The following DAAM1 variants were observed in gnomAD, a reference collection of about 807,000 sequenced individuals.
The protein encoded by DAAM1 is dishevelled associated activator of morphogenesis 1.
A neutral mutation model predicts 130.0 loss-of-function variants in DAAM1; 52 were observed. That is an observed-to-expected ratio of 0.40 (90% CI 0.32 to 0.50). The LOEUF is 0.50. Among genes scored for constraint, DAAM1 ranks in the 20% least tolerant of loss-of-function variants. DAAM1 has a pLI of 0.61. For synonymous variants in DAAM1, 452 were observed against 444.5 expected (o/e 1.02, Z -0.21); for missense variants, 1,134 against 1,303.8 (o/e 0.87, Z 2.01).
At chr14:59,347,946 C>T (rs568499725) in intron 17 of DAAM1, among the ~76,000 whole-genome samples, 2 of 152,268 alleles carry the variant, frequency 1.3e-5, no homozygotes, top group South Asian at 2.1e-4. Flanking sequence ...ACAGGAATAT[C>T]GAGAATCTCA....
intron 21 of DAAM1, 38 bp downstream of exon 21, chr14:59,359,542 T>C (rs1243707523): frequency 1.3e-6 from 2 of 1,523,718 alleles, no homozygotes; most frequent in Admixed American, 1.7e-5. Context: ...CTTAAATCAC[T>C]TGGATTGTGT....
At chr14:59,361,330 C>T (rs1427268113) in intron 22 of DAAM1, among the ~76,000 whole-genome samples, 1 of 152,144 alleles carries the variant, frequency 6.6e-6, no homozygotes, top group Non-Finnish European at 1.5e-5. Flanking sequence ...GTCACGATGA[C>T]TCAGAATCCT....
intron 16 of DAAM1, among the ~76,000 whole-genome samples, chr14:59,341,515 T>C (rs956751369): frequency 6.6e-6 from 1 of 152,254 alleles, no homozygotes; most frequent in African/African-American, 2.4e-5. Context: ...TATATTGTTT[T>C]AATTGTTCTA....
Position 59,331,469 on chromosome 14 carries a change from A to G in DAAM1, c.1821A>G (p.Thr607=). ...ALKKKSIPQP[T]NALKSFNWSK... is the part of the protein sequence containing the mutation. ...AGAAGAAAAGCATTCCTCAGCCCAC[A>G]AATGCCCTGAAATCCTTCAACTGGT... The change falls in exon 14 of 25, where the codon ACA becomes ACG. Residue 607 remains threonine, a synonymous_variant. Coordinates refer to ENST00000360909, the MANE Select transcript of DAAM1 (RefSeq NM_001270520.2). The G allele has an allele frequency of 6.2e-7, 1 of 1,611,138 alleles. No individual in the cohort carries two copies. The highest frequency in any genetic ancestry group is 1.7e-5 in the Admixed American group (1 of 59,502).
intron 16 of DAAM1, 142 bp downstream of exon 16, chr14:59,340,322 G>C: frequency 1.4e-6 from 1 of 700,166 alleles, no homozygotes; most frequent in Non-Finnish European, 2.3e-6. Context: ...AATGAGAACA[G>C]CTCTTGGTGC....
chr14:59,314,271 A>G (rs566711890), intron 3 of DAAM1, among the ~76,000 whole-genome samples: 1 of 152,330 alleles, frequency 6.6e-6, no homozygotes, highest in East Asian at 1.9e-4. Flanking sequence ...ATGGCATAAC[A>G]TCTTCTCCAC....
intron 1 of DAAM1, among the ~76,000 whole-genome samples, chr14:59,198,333 GT>G (rs1887977830): frequency 6.6e-6 from 1 of 151,754 alleles, no homozygotes; most frequent in African/African-American, 2.4e-5. Flanking sequence ...AGCCTCCCAA[GT>G]AGCTGGGATT....
intron 1 of DAAM1, among the ~76,000 whole-genome samples, chr14:59,195,008 C>T (rs190138362): frequency 3.5e-4 from 54 of 152,314 alleles, no homozygotes; most frequent in Non-Finnish European, 7.2e-4. Flanking sequence ...TATGCCTTAA[C>T]GGCATATTGC....
chr14:59,222,275 G>A (rs759760234), intron 1 of DAAM1, among the ~76,000 whole-genome samples: 6 of 152,312 alleles, frequency 3.9e-5, no homozygotes, highest in Non-Finnish European at 5.9e-5. Context: ...TGGTGAATAG[G>A]GCATTCTGGA....
chr14:59,340,203 A>AT (rs1185010775), intron 16 of DAAM1, 23 bp downstream of exon 16: 4 of 1,603,044 alleles, frequency 2.5e-6, no homozygotes, highest in Non-Finnish European at 3.4e-6. Flanking sequence ...TTGAATAAAC[A>AT]TTTCTAGTAG....
rs17095845 is a variant in DAAM1, at chr14:59,202,017, A to G, written c.-38+13249A>G. Among the ~76,000 whole-genome samples, 1,028 of 152,350 alleles carry G rather than the reference A, an allele frequency of 6.7e-3. 16 individuals are homozygous for G. The highest frequency in any genetic ancestry group is 0.023 in the African/African-American group (965 of 41,586). ...TGTAGATGAATCAATTTACATTTTA[A>G]TCCACTGTGTAAAAGAAGGAAACAA... On this transcript the variant is annotated intron_variant, in intron 1 of 24. Coordinates refer to ENST00000360909, the MANE Select transcript of DAAM1 (RefSeq NM_001270520.2).
At chr14:59,362,436 A>G (rs1251049548) in intron 22 of DAAM1, 1 of 152,156 alleles carries the variant, frequency 6.6e-6, no homozygotes, top group African/African-American at 2.4e-5. Flanking sequence ...TCAAAGATGA[A>G]TATTTATGAA....
intron 10 of DAAM1, 110 bp from the exon 11 acceptor site, chr14:59,326,400 T>TA (rs1829629241): frequency 8.8e-7 from 1 of 1,131,828 alleles, no homozygotes; most frequent in South Asian, 1.8e-5. Context: ...GTGCAGATGT[T>TA]ATAAACATCT....
intron 1 of DAAM1, among the ~76,000 whole-genome samples, chr14:59,244,443 T>A (rs891477699): frequency 6.6e-6 from 1 of 152,206 alleles, no homozygotes; most frequent in Non-Finnish European, 1.5e-5. Flanking sequence ...AATGCTGAGA[T>A]GGCTTGAGAA....
At chr14:59,330,377 A>C in intron 12 of DAAM1, 124 bp from the exon 13 acceptor site, 2 of 879,210 alleles carry the variant, frequency 2.3e-6, no homozygotes, top group Non-Finnish European at 3.4e-6. Flanking sequence ...GAGAAGAGGA[A>C]TAATATTTAC....
At chr14:59,223,417 C>T (rs911501111) in intron 1 of DAAM1, among the ~76,000 whole-genome samples, 1 of 152,192 alleles carries the variant, frequency 6.6e-6, no homozygotes, top group Non-Finnish European at 1.5e-5. Context: ...GGGTAGCCAT[C>T]TGTAGGTGAT....
chr14:59,284,088 C>T (rs1883340920), intron 2 of DAAM1, among the ~76,000 whole-genome samples: 1 of 152,112 alleles, frequency 6.6e-6, no homozygotes, highest in South Asian at 2.1e-4. Context: ...AAGGAACCTT[C>T]CTGGTGATTC....
At position 59,317,047 on chromosome 14, in the gene DAAM1, T is replaced by C. The variant is rs571910326; in HGVS notation, c.345+1696T>C. ...CCTTCTTTAAGGGCCTCCTCTCTCC[T>C]CCATCCAGCTCCTTGGACAATTCTT... On this transcript the variant is annotated intron_variant, in intron 4 of 24. Coordinates refer to ENST00000360909, the MANE Select transcript of DAAM1 (RefSeq NM_001270520.2). 1.1e-4 allele frequency among the ~76,000 whole-genome samples: 17 copies of C among 152,318 alleles called. No individual in the cohort carries two copies. In the South Asian group the frequency reaches 3.3e-3, roughly 30 times the overall value.
At chr14:59,280,256 CA>C (rs1282057176) in intron 2 of DAAM1, among the ~76,000 whole-genome samples, 1 of 152,110 alleles carries the variant, frequency 6.6e-6, no homozygotes, top group Non-Finnish European at 1.5e-5. Context: ...CATTTCACCT[CA>C]AATAATAGGC....
Sources: allele counts gnomAD v4.1 joint callset (sites outside exome capture counted in the v4.1 genomes callset), GRCh38; gene constraint gnomAD v4.1.1; transcripts MANE v1.5; gene names NCBI Gene and HGNC (gene_info 2026-07-23, HGNC 2026-07-21).